Variants in C9orf85 observed in about 807,000 individuals in gnomAD.
The protein encoded by C9orf85 is uncharacterized protein C9orf85.
C9orf85 carries 16 observed loss-of-function variants against 14.9 expected under a neutral mutation model. The ratio of observed to expected loss-of-function variants is 1.08; its 90% confidence interval spans 0.73 to 1.63. The LOEUF (loss-of-function observed/expected upper bound fraction) is 1.63, where lower values mean the gene tolerates loss of function less well. Among genes scored for constraint, C9orf85 ranks in the 40% most tolerant of loss-of-function variants. The pLI, the probability that C9orf85 is intolerant of heterozygous loss-of-function variation, is 0.00. For missense variants in C9orf85, 172 were observed against 186.1 expected, an observed-to-expected ratio of 0.92 and a Z score of 0.44; for synonymous variants, 45 against 56.8, an observed-to-expected ratio of 0.79 and a Z score of 0.93.
chr9:71,967,035 T>G (rs1822711527), intron 2 of C9orf85, among the ~76,000 whole-genome samples: 1 of 152,242 alleles, frequency 6.6e-6, no homozygotes. Flanking sequence ...CCCTCTGGCT[T>G]GTTTTTTCAT....
At chr9:71,961,364 A>T (rs1469653594) in intron 2 of C9orf85, among the ~76,000 whole-genome samples, 1 of 152,014 alleles carries the variant, frequency 6.6e-6, no homozygotes, top group Non-Finnish European at 1.5e-5. Context: ...GTTCGAGACC[A>T]GCCTGGCCAA....
downstream of C9orf85, among the ~76,000 whole-genome samples, chr9:71,974,115 C>T (rs866665858): frequency 5.3e-5 from 8 of 151,600 alleles, no homozygotes; most frequent in South Asian, 6.2e-4. Flanking sequence ...TTAGTAGAGA[C>T]GGGGTTTCAC....
At chr9:71,954,947 C>T (rs1038363932) in intron 2 of C9orf85, among the ~76,000 whole-genome samples, 4 of 152,166 alleles carry the variant, frequency 2.6e-5, no homozygotes, top group African/African-American at 9.7e-5. Flanking sequence ...TGCTACAAAG[C>T]TTTCTTGTAA....
chr9:71,939,354 T>C (rs1178068380), intron 1 of C9orf85, among the ~76,000 whole-genome samples: 1 of 151,982 alleles, frequency 6.6e-6, no homozygotes, highest in Non-Finnish European at 1.5e-5. Context: ...AAAATCCAAA[T>C]TACTATAGAG....
chr9:71,946,114 ATTAT>A (rs1027288416), intron 1 of C9orf85, among the ~76,000 whole-genome samples: 12 of 152,244 alleles, frequency 7.9e-5, no homozygotes, highest in Admixed American at 3.9e-4. Flanking sequence ...ACAAATACAT[ATTAT>A]TTAAGTTTGA....
intron 2 of C9orf85, among the ~76,000 whole-genome samples, chr9:71,959,672 AAAT>A (rs1347071283): frequency 6.6e-6 from 1 of 152,198 alleles, no homozygotes; most frequent in African/African-American, 2.4e-5. Flanking sequence ...TATAGAACCA[AAAT>A]AATACCTGTT....
chr9:71,969,814 C>T lies in C9orf85; in HGVS notation c.210-1691C>T, dbSNP rs532466525. Among the ~76,000 whole-genome samples the T allele has an allele frequency of 1.4e-3, 213 of 151,984 alleles. 2 individuals are homozygous for T. The highest frequency in any genetic ancestry group is 4.9e-3 in the African/African-American group (202 of 41,456). On this transcript the variant is annotated intron_variant, in intron 2 of 3. Transcript: ENST00000334731. ...TTTCTTTTTGTGTGTGTGAATTCCT[C>T]TTTGATCTGTGGGTTATTTAGAAGT...
At chr9:71,929,416 T>C (rs1284636332) in intron 1 of C9orf85, among the ~76,000 whole-genome samples, 1 of 152,214 alleles carries the variant, frequency 6.6e-6, no homozygotes, top group Non-Finnish European at 1.5e-5. Flanking sequence ...CATGACACTA[T>C]GCAATTGCTG....
chr9:71,942,834 C>G (rs1821972394), intron 1 of C9orf85, among the ~76,000 whole-genome samples: 1 of 149,478 alleles, frequency 6.7e-6, no homozygotes, highest in Non-Finnish European at 1.5e-5. Flanking sequence ...ACCTGGGAGA[C>G]AGAGGTTGCA....
At chr9:71,931,089 A>G (rs944873609) in intron 1 of C9orf85, among the ~76,000 whole-genome samples, 8 of 152,230 alleles carry the variant, frequency 5.3e-5, no homozygotes, top group African/African-American at 1.4e-4. Context: ...GAGGAAGTCA[A>G]TCCAGAAAAC....
chr9:71,976,285 T>G (rs1822993544), downstream of C9orf85, among the ~76,000 whole-genome samples: 1 of 152,214 alleles, frequency 6.6e-6, no homozygotes. Flanking sequence ...ATATCAAGAC[T>G]GCATTCACAT....
intron 2 of C9orf85, among the ~76,000 whole-genome samples, chr9:71,952,343 TTTTATTTA>T (rs58259402): frequency 4.6e-5 from 7 of 151,564 alleles, no homozygotes; most frequent in South Asian, 2.1e-4. Flanking sequence ...ACCACCTTGC[TTTTATTTA>T]TTTATTTATT....
intron 2 of C9orf85, among the ~76,000 whole-genome samples, chr9:71,960,889 T>C (rs374684396): frequency 6.6e-5 from 10 of 151,840 alleles, no homozygotes; most frequent in East Asian, 1.9e-4. Flanking sequence ...GCAATGCACA[T>C]TGGCCGTTTT....
intron 1 of C9orf85, among the ~76,000 whole-genome samples, chr9:71,933,821 T>C (rs901455469): frequency 5.9e-5 from 9 of 152,226 alleles, no homozygotes; most frequent in African/African-American, 2.2e-4. Flanking sequence ...AATTTTCTTT[T>C]TGAAGAGCCT....
At chr9:71,958,292 C>T (rs539638874) in intron 2 of C9orf85, among the ~76,000 whole-genome samples, 3 of 147,422 alleles carry the variant, frequency 2.0e-5, no homozygotes, top group Non-Finnish European at 4.5e-5. Context: ...GACGGAGTTT[C>T]GCTCTTGTTG....
chr9:71,943,950 T>C (rs1333965191), intron 1 of C9orf85, among the ~76,000 whole-genome samples: 1 of 151,032 alleles, frequency 6.6e-6, no homozygotes, highest in Non-Finnish European at 1.5e-5. Flanking sequence ...ATATATGTTG[T>C]ATAGGCCGGG....
rs77869150 is a variant in C9orf85 at position 71,961,899 on chromosome 9, T to C, written c.210-9606T>C. On this transcript the variant is annotated intron_variant, in intron 2 of 3. Coordinates refer to ENST00000334731, the MANE Select transcript of C9orf85 (RefSeq NM_182505.5). ...TAAATATTTTGTACCCGTTATGAATTATGGGCTGTAAACCCAGTATTTTGG... is the reference window on the plus strand; with the variant it reads ...TAAATATTTTGTACCCGTTATGAATCATGGGCTGTAAACCCAGTATTTTGG... Among the ~76,000 whole-genome samples the C allele has an allele frequency of 3.0e-4, 46 of 152,334 alleles. No homozygotes were observed. In the East Asian group the frequency reaches 8.1e-3, roughly 27 times the overall value.
chr9:71,972,467 C>T (rs1822900747), intron 3 of C9orf85, among the ~76,000 whole-genome samples: 1 of 152,184 alleles, frequency 6.6e-6, no homozygotes, highest in African/African-American at 2.4e-5. Flanking sequence ...CCACGTTGGC[C>T]AGGCTGGTTT....
At chr9:71,916,958 A>G (rs1414833764) in intron 1 of C9orf85, among the ~76,000 whole-genome samples, 1 of 152,198 alleles carries the variant, frequency 6.6e-6, no homozygotes, top group African/African-American at 2.4e-5. Context: ...TCATCTTCAA[A>G]GTAACCCTAA....
Sources: gnomAD v4.1 joint callset for allele counts (sites outside exome capture counted in the v4.1 genomes callset) on GRCh38, gnomAD v4.1.1 for gene constraint, MANE v1.5 for transcripts, NCBI Gene and HGNC (gene_info 2026-07-23, HGNC 2026-07-21) for gene names.